The following PCSK1 variants were observed in gnomAD, a reference collection of about 807,000 sequenced individuals.
PCSK1 encodes proprotein convertase subtilisin/kexin type 1.
PCSK1 carries 56 observed loss-of-function variants against 90.6 expected under a neutral mutation model. The ratio of observed to expected loss-of-function variants is 0.62; its 90% CI spans 0.50 to 0.77. The LOEUF (loss-of-function observed/expected upper bound fraction) is 0.77. PCSK1 is among the 30% of genes least tolerant of loss of function. PCSK1 has a pLI of 0.00. For synonymous variants in PCSK1, 348 were observed against 342.4 expected (o/e 1.02, Z -0.18); for missense variants, 801 against 932.6 (o/e 0.86, Z 1.84).
chr5:96,420,496 C>G (rs1046056377), intron 5 of PCSK1, among the ~76,000 whole-genome samples: 11 of 152,156 alleles, frequency 7.2e-5, no homozygotes, highest in African/African-American at 2.4e-4. Flanking sequence ...CGGTTAACCC[C>G]TTTAGTCACC....
At chr5:96,430,296 T>C (rs759277857) in intron 1 of PCSK1, among the ~76,000 whole-genome samples, 1 of 152,230 alleles carries the variant, frequency 6.6e-6, no homozygotes, top group African/African-American at 2.4e-5. Flanking sequence ...CCAAATCCTC[T>C]AGGTAACCCT....
At chr5:96,428,655 T>A (rs1443779063) in intron 2 of PCSK1, among the ~76,000 whole-genome samples, 3 of 152,166 alleles carry the variant, frequency 2.0e-5, no homozygotes, top group East Asian at 3.8e-4. Context: ...TATGGAAACA[T>A]TTGCCTCATG....
chr5:96,416,606 G>A (rs1481907763), intron 5 of PCSK1, among the ~76,000 whole-genome samples: 1 of 152,096 alleles, frequency 6.6e-6, no homozygotes, highest in Non-Finnish European at 1.5e-5. Flanking sequence ...AGCCTTAGTA[G>A]GATATCCTAG....
chr5:96,420,737 AAGGG>A lies in PCSK1; in HGVS notation c.620+1139_620+1142del, dbSNP rs1015257369. On this transcript the variant is annotated intron_variant, in intron 5 of 13. Transcript: ENST00000311106. ...TTGGGAGTTCTGAGGGAGAATAAGGAAGGGAGGGAGGGAGGGAGGGAGGAAGGAA... is the reference window on the plus strand; with the variant it reads ...TTGGGAGTTCTGAGGGAGAATAAGGAAGGGAGGGAGGGAGGGAGGAAGGAA... Among the ~76,000 whole-genome samples, 259 of 138,324 alleles carry A rather than the reference AAGGG, an allele frequency of 1.9e-3. 1 individual carries two copies. The highest frequency in any genetic ancestry group is 4.5e-3 in the African/African-American group (172 of 38,568). The allele number at this position is 138,324 out of a possible 152,430, so 90.7% of individuals were successfully genotyped here.
chr5:96,394,086 G>A (rs929932669), intron 13 of PCSK1, among the ~76,000 whole-genome samples: 1 of 152,214 alleles, frequency 6.6e-6, no homozygotes, highest in African/African-American at 2.4e-5. Flanking sequence ...CAGTTCATGT[G>A]TAAGTTTCTT....
chr5:96,399,856 A>G (rs1580746644), intron 10 of PCSK1, 97 bp downstream of exon 10: 6 of 916,900 alleles, frequency 6.5e-6, no homozygotes, highest in Non-Finnish European at 1.1e-5. Context: ...CATCTACTTC[A>G]GAAGGGTAGA....
At chr5:96,417,549 G>T (rs1375037458) in intron 5 of PCSK1, among the ~76,000 whole-genome samples, 1 of 151,888 alleles carries the variant, frequency 6.6e-6, no homozygotes, top group South Asian at 2.1e-4. Flanking sequence ...GAGTCATATG[G>T]GTCTTGCTCT....
At chr5:96,428,736 CT>C (rs1029391010) in intron 2 of PCSK1, among the ~76,000 whole-genome samples, 4 of 151,898 alleles carry the variant, frequency 2.6e-5, no homozygotes, top group Non-Finnish European at 5.9e-5. Flanking sequence ...AAATAATAGA[CT>C]TTTTTTTCAG....
At chr5:96,422,545 C>G (rs766464738) in intron 4 of PCSK1, among the ~76,000 whole-genome samples, 5 of 152,166 alleles carry the variant, frequency 3.3e-5, no homozygotes, top group Non-Finnish European at 7.3e-5. Flanking sequence ...TCCCGCATAC[C>G]CTTACTGTTA....
intron 1 of PCSK1, among the ~76,000 whole-genome samples, chr5:96,430,814 G>T (rs1320016977): frequency 6.6e-6 from 1 of 152,066 alleles, no homozygotes; most frequent in East Asian, 1.9e-4. Flanking sequence ...AATATAGATG[G>T]TTTTCCCCCA....
chr5:96,425,808 G>A lies in PCSK1; in HGVS notation c.396+12C>T, dbSNP rs1561376889. ...CAGGTCCCACCCACATAGTCCTTCT[G>A]TAGGTACTTACCAAGTACCATTGCT... is the stretch of plus-strand genomic sequence containing the variant. On this transcript the variant is annotated intron_variant, in intron 3 of 13. Transcript: ENST00000311106. The A allele has an allele frequency of 1.4e-6, 2 of 1,391,646 alleles. No individual in the cohort carries two copies. Among genetic ancestry groups the A allele is most frequent in the East Asian group, 2.3e-5 (1 of 43,884 alleles). The allele number at this position is 1,391,646 out of a possible 1,614,324, so 86.2% of individuals were successfully genotyped here.
At chr5:96,427,895 G>C (rs1462771912) in intron 2 of PCSK1, among the ~76,000 whole-genome samples, 1 of 152,150 alleles carries the variant, frequency 6.6e-6, no homozygotes, top group Non-Finnish European at 1.5e-5. Context: ...CCTCTCCCTT[G>C]AAGTGAGTAA....
At position 96,400,135 on chromosome 5, in the gene PCSK1, C is replaced by T. The variant is rs752697118; in HGVS notation, c.1248G>A (p.Glu416=). Residue 416 remains glutamate, a synonymous_variant, in exon 10 of 14, where the codon GAG becomes GAA. Coordinates refer to ENST00000311106, the MANE Select transcript of PCSK1 (RefSeq NM_000439.5). The part of the protein sequence containing the change: ...DMQHLVVWTS[E]YDPLANNPGW... Reference sequence around the variant, plus strand: ...CAGGGTTATTGGCCAGCGGGTCATACTCAGAGGTCCAGACAACCAGGTGCT... The same window carrying T: ...CAGGGTTATTGGCCAGCGGGTCATATTCAGAGGTCCAGACAACCAGGTGCT... The T allele has an allele frequency of 6.8e-6, 11 of 1,614,072 alleles. No individual in the cohort carries two copies. In the Admixed American group the frequency reaches 8.3e-5, roughly 12 times the overall value.
chr5:96,426,977 C>G (rs934849757), intron 2 of PCSK1, among the ~76,000 whole-genome samples: 2 of 152,146 alleles, frequency 1.3e-5, no homozygotes, highest in African/African-American at 4.8e-5. Context: ...TATTTTCAAG[C>G]TTAATTGTTT....
intron 5 of PCSK1, among the ~76,000 whole-genome samples, chr5:96,419,850 G>A (rs955729661): frequency 1.4e-4 from 21 of 151,998 alleles, no homozygotes; most frequent in Admixed American, 6.6e-5. Context: ...CCTTTGTTTT[G>A]AGGAAGGTCT....
intron 5 of PCSK1, 42 bp from the exon 6 acceptor site, chr5:96,416,163 C>T (rs1346855387): frequency 7.3e-7 from 1 of 1,370,688 alleles, no homozygotes; most frequent in African/African-American, 1.4e-5. Context: ...TACAGAAGAA[C>T]AAACATTTGT....
At chr5:96,409,332 T>G (rs913850601) in intron 8 of PCSK1, among the ~76,000 whole-genome samples, 7 of 152,168 alleles carry the variant, frequency 4.6e-5, no homozygotes, top group Non-Finnish European at 8.8e-5. Flanking sequence ...GCTTCCTGCT[T>G]GGAGTTGCTG....
At chr5:96,431,548 T>C (rs1356298552) in intron 1 of PCSK1, among the ~76,000 whole-genome samples, 2 of 152,176 alleles carry the variant, frequency 1.3e-5, no homozygotes, top group Non-Finnish European at 1.5e-5. Context: ...CTCTTATTCC[T>C]CAGCCCCTAA....
chr5:96,418,532 T>C (rs1761005600), intron 5 of PCSK1, among the ~76,000 whole-genome samples: 1 of 152,208 alleles, frequency 6.6e-6, no homozygotes, highest in African/African-American at 2.4e-5. Context: ...TCTTTTGACT[T>C]TCAGAGTAGC....
Sources: allele counts gnomAD v4.1 joint callset (sites outside exome capture counted in the v4.1 genomes callset), GRCh38; gene constraint gnomAD v4.1.1; transcripts MANE v1.5; gene names NCBI Gene and HGNC (gene_info 2026-07-23, HGNC 2026-07-21).